Variants in RELN observed in about 807,000 individuals in gnomAD.
The protein encoded by RELN is reelin.
Under a neutral mutation model 427.6 loss-of-function variants are expected in RELN, and 108 were observed. The ratio of observed to expected loss-of-function variants is 0.25; its 90% CI spans 0.22 to 0.30. RELN has a LOEUF of 0.30. RELN is among the 10% of genes least tolerant of loss of function. The probability of loss-of-function intolerance (pLI) is 1.00; values close to 1 mark genes in which losing one functional copy is unlikely to be tolerated. For synonymous variants in RELN, 1,524 were observed against 1,513.4 expected (o/e 1.01, Z -0.16); for missense variants, 3,715 against 4,302.8 (o/e 0.86, Z 3.82).
At chr7:103,655,478 A>T (rs1045965520) in intron 12 of RELN, among the ~76,000 whole-genome samples, 1 of 152,104 alleles carries the variant, frequency 6.6e-6, no homozygotes, top group Non-Finnish European at 1.5e-5. Context: ...CTGAGAGTTA[A>T]TCTAGTAAAA....
At chr7:103,607,088 C>G (rs969276953) in intron 22 of RELN, among the ~76,000 whole-genome samples, 6 of 113,408 alleles carry the variant, frequency 5.3e-5, no homozygotes, top group Non-Finnish European at 8.2e-5. Context: ...CGTTGTTGGA[C>G]ATTTGTGGGG....
At chr7:103,708,342 G>GA (rs1377610855) in intron 8 of RELN, among the ~76,000 whole-genome samples, 3 of 150,114 alleles carry the variant, frequency 2.0e-5, no homozygotes, top group Non-Finnish European at 4.4e-5. Flanking sequence ...CTGTCATTCA[G>GA]AAAAAAAAGT....
chr7:103,630,208 T>A, intron 19 of RELN, 32 bp from the exon 20 acceptor site: 1 of 1,422,104 alleles, frequency 7.0e-7, no homozygotes, highest in South Asian at 1.1e-5. Flanking sequence ...AAATTTAGAT[T>A]ATTTTGGTAT....
intron 60 of RELN, among the ~76,000 whole-genome samples, chr7:103,489,440 G>A (rs1828573773): frequency 1.3e-5 from 2 of 152,150 alleles, no homozygotes; most frequent in Admixed American, 1.3e-4. Flanking sequence ...ATGAAAGACA[G>A]AGAATGTGAG....
chr7:103,870,612 C>A (rs1794307892), intron 2 of RELN, among the ~76,000 whole-genome samples: 1 of 152,042 alleles, frequency 6.6e-6, no homozygotes, highest in African/African-American at 2.4e-5. Flanking sequence ...ACCCTTCTGG[C>A]CTTCTGGTAT....
chr7:103,817,665 GA>G (rs1203368264), intron 3 of RELN, among the ~76,000 whole-genome samples: 1 of 152,064 alleles, frequency 6.6e-6, no homozygotes, highest in Non-Finnish European at 1.5e-5. Flanking sequence ...GACTATAGAA[GA>G]AAAGGTGCAG....
At chr7:103,938,601 T>G (rs904890089) in intron 1 of RELN, among the ~76,000 whole-genome samples, 3 of 152,246 alleles carry the variant, frequency 2.0e-5, no homozygotes, top group Non-Finnish European at 4.4e-5. Flanking sequence ...TAATAATAAC[T>G]GAATTATCTA....
intron 2 of RELN, among the ~76,000 whole-genome samples, chr7:103,892,257 T>C (rs995373461): frequency 1.3e-5 from 2 of 152,152 alleles, no homozygotes; most frequent in South Asian, 4.1e-4. Flanking sequence ...AGGAACCGAA[T>C]GACTATGTGG....
At chr7:103,666,073 A>AT (rs1233579543) in intron 11 of RELN, among the ~76,000 whole-genome samples, 3 of 150,456 alleles carry the variant, frequency 2.0e-5, no homozygotes, top group African/African-American at 7.3e-5. Context: ...TTATTTATTT[A>AT]TTTTTTTTGA....
At chr7:103,786,622 T>C (rs1327023607) in intron 3 of RELN, among the ~76,000 whole-genome samples, 3 of 149,926 alleles carry the variant, frequency 2.0e-5, no homozygotes, top group African/African-American at 7.4e-5. Context: ...TACATAATAG[T>C]AAAGGGATTA....
intron 10 of RELN, among the ~76,000 whole-genome samples, chr7:103,694,409 T>C (rs1308483186): frequency 6.6e-6 from 1 of 151,876 alleles, no homozygotes. Flanking sequence ...TTTCCACATA[T>C]GAAAAATGGG....
At chr7:103,660,836 T>A (rs553483019) in intron 12 of RELN, among the ~76,000 whole-genome samples, 12 of 152,324 alleles carry the variant, frequency 7.9e-5, no homozygotes, top group African/African-American at 2.6e-4. Flanking sequence ...TGGGTAATTT[T>A]CCAACTATCT....
At chr7:103,713,533 A>T (rs748660820) in intron 8 of RELN, among the ~76,000 whole-genome samples, 1 of 152,174 alleles carries the variant, frequency 6.6e-6, no homozygotes, top group African/African-American at 2.4e-5. Context: ...GGGATATTAC[A>T]TGTTACTCTA....
At position 103,589,732 on chromosome 7, in the gene RELN, C is replaced by G; in HGVS notation, c.4009G>C (p.Gly1337Arg). Residue 1337 changes from glycine to arginine, a missense_variant, in exon 28 of 65, where the codon GGC (glycine) becomes CGC (arginine). Coordinates refer to ENST00000428762, the MANE Select transcript of RELN (RefSeq NM_005045.4). ...TTGCCTGCAGAAGCCGGGTAACAGC[C>G]TTCTTTCACCAGAAACCAGGACATA... ...AGMSWFLVKE[G>R]CYPASAGKGC... The G allele has an allele frequency of 6.2e-7, 1 of 1,613,902 alleles. No homozygotes were observed.
Position 103,630,065 on chromosome 7 carries a change from A to C in RELN, c.2577T>G (p.Ile859Met). 1 of 1,613,134 alleles carries C rather than the reference A, an allele frequency of 6.2e-7. No individual in the cohort carries two copies. The highest frequency in any genetic ancestry group is 8.5e-7 in the Non-Finnish European group (1 of 1,179,126). ...TGTTGAAAAGCACAGATGTCATGAT[A>C]ATCTCATCAATAGCCCATACATCTT... ...QREDVWAIDE[I>M]IMTSVLFNSI... The change falls in exon 20 of 65, where the codon ATT (isoleucine) becomes ATG (methionine). Residue 859 changes from isoleucine (I) to methionine (M), a missense_variant. Ile to Met is a conservative substitution (Grantham distance 10). Coordinates refer to ENST00000428762, the MANE Select transcript of RELN (RefSeq NM_005045.4).
Position 103,589,368 on chromosome 7 carries a change from G to A in RELN, c.4145+228C>T, listed in dbSNP as rs905998500. The stretch of plus-strand genomic sequence containing the variant: ...GTCTTTAGTATATCTGAATGTTTAT[G>A]CTTGCAAAAATAAGTATTGTGTAAA... On this transcript the variant is annotated intron_variant, in intron 28 of 64. Coordinates refer to ENST00000428762, the MANE Select transcript of RELN (RefSeq NM_005045.4). 1.3e-4 allele frequency among the ~76,000 whole-genome samples: 20 copies of A among 152,296 alleles called. 2 individuals are homozygous for A. The highest frequency in any genetic ancestry group is 4.6e-4 in the African/African-American group (19 of 41,564).
rs759679243 is a variant in RELN, at chr7:103,596,579, T to A, written c.3416A>T (p.Glu1139Val). 1 of 1,614,036 alleles carries A rather than the reference T, an allele frequency of 6.2e-7. No homozygotes were observed. Among genetic ancestry groups the A allele is most frequent in the South Asian group, 1.1e-5 (1 of 91,080 alleles). The change falls in exon 25 of 65, where the codon GAG (glutamate) becomes GTG (valine). Residue 1139 changes from glutamate (E) to valine (V), a missense_variant. Physicochemically the swap from Glu to Val is moderately radical, Grantham distance 121 (BLOSUM62 -2). Coordinates refer to ENST00000428762, the MANE Select transcript of RELN (RefSeq NM_005045.4). ...FVQFYIQIGG[E>V]SASCNKPDSR... The stretch of plus-strand genomic sequence containing the variant: ...GTCAGGCTTGTTGCATGAAGCACTC[T>A]CTCCGCCTATCTGGATGTAGAACTG...
intron 22 of RELN, among the ~76,000 whole-genome samples, chr7:103,608,515 C>A (rs362688): frequency 0.74 from 112,612 of 151,932 alleles, 42,346 homozygotes; most frequent in African/African-American, 0.87. Flanking sequence ...TTAGTAGAAA[C>A]TTTATCTAAC....
At chr7:103,692,079 T>C (rs1203660479) in intron 10 of RELN, among the ~76,000 whole-genome samples, 1 of 152,140 alleles carries the variant, frequency 6.6e-6, no homozygotes, top group Non-Finnish European at 1.5e-5. Context: ...TTCATAACAT[T>C]TTCAGTGTCT....
Sources: allele counts gnomAD v4.1 joint callset (sites outside exome capture counted in the v4.1 genomes callset), GRCh38; gene constraint gnomAD v4.1.1; transcripts MANE v1.5; gene names NCBI Gene and HGNC (gene_info 2026-07-23, HGNC 2026-07-21).